PTPRD: variants seen among roughly 807,000 people sequenced by gnomAD.
The protein encoded by PTPRD is receptor-type tyrosine-protein phosphatase delta.
PTPRD carries 34 observed loss-of-function variants against 214.5 expected under a neutral mutation model. That is an observed-to-expected ratio of 0.16 (90% CI 0.12 to 0.21). The LOEUF (loss-of-function observed/expected upper bound fraction) is 0.21, where lower values mean the gene tolerates loss of function less well. Among genes scored for constraint, PTPRD ranks in the 10% least tolerant of loss-of-function variants. The pLI, the probability that PTPRD is intolerant of heterozygous loss-of-function variation, is 1.00. For synonymous variants in PTPRD, 1,128 were observed against 845.7 expected (o/e 1.33, Z -5.79); for missense variants, 2,545 against 2,398.7 (o/e 1.06, Z -1.27).
At chr9:9,718,625 T>C (rs1448987905) in intron 7 of PTPRD, among the ~76,000 whole-genome samples, 1 of 152,176 alleles carries the variant, frequency 6.6e-6, no homozygotes, top group East Asian at 1.9e-4. Flanking sequence ...CCCTGGCCTC[T>C]CCCTGCTCCA....
intron 2 of PTPRD, among the ~76,000 whole-genome samples, chr9:10,407,033 T>C (rs1325631678): frequency 6.6e-6 from 1 of 151,608 alleles, no homozygotes; most frequent in Non-Finnish European, 1.5e-5. Flanking sequence ...TCCTATAGTA[T>C]TTTCTTAATG....
At chr9:9,310,712 G>T (rs939853946) in intron 9 of PTPRD, among the ~76,000 whole-genome samples, 6 of 152,044 alleles carry the variant, frequency 3.9e-5, no homozygotes, top group African/African-American at 1.4e-4. Context: ...GAGGTTGGAA[G>T]TTCGAGACAA....
intron 2 of PTPRD, among the ~76,000 whole-genome samples, chr9:10,383,290 C>T (rs562152222): frequency 6.6e-6 from 1 of 151,932 alleles, no homozygotes; most frequent in South Asian, 2.1e-4. Flanking sequence ...CCACTATACT[C>T]TTTAATAACC....
At chr9:9,834,493 G>T (rs1429346063) in intron 5 of PTPRD, among the ~76,000 whole-genome samples, 1 of 151,982 alleles carries the variant, frequency 6.6e-6, no homozygotes, top group East Asian at 1.9e-4. Flanking sequence ...AATCAGCCCA[G>T]TGAGATCTCC....
chr9:9,210,663 A>T (rs1048795083), intron 9 of PTPRD, among the ~76,000 whole-genome samples: 26 of 151,972 alleles, frequency 1.7e-4, no homozygotes, highest in Admixed American at 1.7e-3. Flanking sequence ...CATACAAATG[A>T]CTTGCCACAT....
intron 35 of PTPRD, among the ~76,000 whole-genome samples, chr9:8,434,924 A>T (rs1230755380): frequency 6.6e-6 from 1 of 152,242 alleles, no homozygotes; most frequent in Non-Finnish European, 1.5e-5. Flanking sequence ...CAGGAAAGAA[A>T]TAAGCTGCGA....
intron 9 of PTPRD, among the ~76,000 whole-genome samples, chr9:9,256,940 C>A (rs753733345): frequency 6.6e-6 from 1 of 151,996 alleles, no homozygotes; most frequent in Admixed American, 6.6e-5. Flanking sequence ...GCACCATCCC[C>A]AGAAAAAGAA....
At chr9:9,711,668 C>T (rs1007694645) in intron 7 of PTPRD, among the ~76,000 whole-genome samples, 1 of 152,122 alleles carries the variant, frequency 6.6e-6, no homozygotes, top group Non-Finnish European at 1.5e-5. Context: ...GGTCAACAGA[C>T]ACTTTTGATG....
chr9:9,052,242 A>T (rs1363596378), intron 10 of PTPRD, among the ~76,000 whole-genome samples: 1 of 152,150 alleles, frequency 6.6e-6, no homozygotes, highest in Non-Finnish European at 1.5e-5. Context: ...TGCCCTTATT[A>T]TCTAATCACT....
intron 2 of PTPRD, among the ~76,000 whole-genome samples, chr9:10,427,744 A>G (rs1294785832): frequency 6.6e-6 from 1 of 152,020 alleles, no homozygotes; most frequent in Non-Finnish European, 1.5e-5. Context: ...ATAAAACAAA[A>G]CAGAAAAATC....
intron 3 of PTPRD, among the ~76,000 whole-genome samples, chr9:10,270,740 T>C (rs1344168279): frequency 2.6e-5 from 4 of 152,226 alleles, no homozygotes; most frequent in Admixed American, 2.0e-4. Context: ...CTTTCAAATA[T>C]ACAACTAGAA....
chr9:9,595,241 C>T lies in PTPRD; in HGVS notation c.-286-20460G>A, dbSNP rs151322280. On this transcript the variant is annotated intron_variant, in intron 7 of 45. Coordinates refer to ENST00000381196, the MANE Select transcript of PTPRD (RefSeq NM_002839.4). ...TCCAGCAATCCCACTACTGGGGTATCTACCCAGAGGGAAATAAGTCTTTAT... is the reference window on the plus strand; with the variant it reads ...TCCAGCAATCCCACTACTGGGGTATTTACCCAGAGGGAAATAAGTCTTTAT... Among the ~76,000 whole-genome samples the T allele has an allele frequency of 4.7e-4, 68 of 145,324 alleles. 1 individual carries two copies. The East Asian group carries it at 0.013, about 28-fold the overall frequency.
chr9:8,678,822 G>C (rs1026311278), intron 12 of PTPRD, among the ~76,000 whole-genome samples: 21 of 152,092 alleles, frequency 1.4e-4, no homozygotes, highest in African/African-American at 5.1e-4. Context: ...ACATAAAATT[G>C]ATGGCATGGT....
chr9:8,958,445 A>G (rs1445257951), intron 11 of PTPRD, among the ~76,000 whole-genome samples: 2 of 151,954 alleles, frequency 1.3e-5, no homozygotes, highest in Admixed American at 6.6e-5. Context: ...AGTTTTGAGA[A>G]GATGATAGTG....
chr9:8,847,619 G>A (rs1485739226), intron 11 of PTPRD, among the ~76,000 whole-genome samples: 2 of 152,006 alleles, frequency 1.3e-5, no homozygotes, highest in African/African-American at 4.8e-5. Context: ...CTTCTTGTCA[G>A]AGAAAAAATA....
intron 9 of PTPRD, among the ~76,000 whole-genome samples, chr9:9,198,126 T>G (rs1371672895): frequency 6.6e-6 from 1 of 152,248 alleles, no homozygotes; most frequent in Non-Finnish European, 1.5e-5. Context: ...ATTTGAGGTT[T>G]ATATTTTTTA....
chr9:10,458,203 C>G (rs1263723019), intron 2 of PTPRD, among the ~76,000 whole-genome samples: 2 of 151,956 alleles, frequency 1.3e-5, no homozygotes, highest in Non-Finnish European at 2.9e-5. Flanking sequence ...TTTTATGAAG[C>G]CAGCATCACC....
chr9:8,516,161 C>G (rs2097777233), intron 21 of PTPRD, among the ~76,000 whole-genome samples: 1 of 152,174 alleles, frequency 6.6e-6, no homozygotes, highest in South Asian at 2.1e-4. Context: ...TAGTTAACCA[C>G]TTTTAGTCAA....
chr9:8,398,721 T>G lies in PTPRD; in HGVS notation c.4210+5816A>C, dbSNP rs147854979. Among the ~76,000 whole-genome samples the G allele has an allele frequency of 4.4e-3, 672 of 152,216 alleles. 7 individuals carry two copies. Among genetic ancestry groups the G allele is most frequent in the African/African-American group, 0.016 (656 of 41,550 alleles). ...ATGTAAGGACACAGCATTCTTTCCC[T>G]CAGGGGATGCAGCAAAACAGAGCAC... On this transcript the variant is annotated intron_variant, in intron 36 of 45. Transcript: ENST00000381196.
Sources: allele counts gnomAD v4.1 joint callset (sites outside exome capture counted in the v4.1 genomes callset), GRCh38; gene constraint gnomAD v4.1.1; transcripts MANE v1.5; gene names NCBI Gene and HGNC (gene_info 2026-07-23, HGNC 2026-07-21).